The following BPI variants were observed in gnomAD, a reference collection of about 807,000 sequenced individuals.
BPI encodes bactericidal permeability-increasing protein.
A neutral mutation model predicts 57.6 loss-of-function variants in BPI; 48 were observed. The ratio of observed to expected loss-of-function variants is 0.83; its 90% CI spans 0.66 to 1.06. The LOEUF is 1.06. Ranked by LOEUF, BPI falls within the 50% of genes least tolerant of loss-of-function variation. The probability of loss-of-function intolerance (pLI) is 0.00; values close to 1 mark genes in which losing one functional copy is unlikely to be tolerated. For missense variants in BPI, 651 were observed against 609.7 expected, an observed-to-expected ratio of 1.07 and a Z score of -0.71; for synonymous variants, 237 against 238.2, an observed-to-expected ratio of 0.99 and a Z score of 0.05.
chr20:38,336,213 C>A (rs2076766766), intron 14 of BPI, among the ~76,000 whole-genome samples: 1 of 151,928 alleles, frequency 6.6e-6, no homozygotes, highest in Admixed American at 6.6e-5. Flanking sequence ...CTACCTGCCA[C>A]CTCCTCTGCT....
Position 38,316,113 on chromosome 20 carries a change from C to T in BPI, c.601-2300C>T, listed in dbSNP as rs1418441832. 3.3e-5 allele frequency among the ~76,000 whole-genome samples: 5 copies of T among 149,474 alleles called. 1 individual carries two copies. Among genetic ancestry groups the T allele is most frequent in the Non-Finnish European group, 7.4e-5 (5 of 67,994 alleles). The stretch of plus-strand genomic sequence containing the variant: ...CCTCTCAAAGTACTGGGATTACAGG[C>T]GTGAGCCACCACACCCAGCTCTTCC... On this transcript the variant is annotated intron_variant, in intron 5 of 14. Transcript: ENST00000642449.
intron 12 of BPI, among the ~76,000 whole-genome samples, chr20:38,331,974 C>T (rs2076745063): frequency 6.6e-6 from 1 of 152,048 alleles, no homozygotes; most frequent in Admixed American, 6.6e-5. Flanking sequence ...AGGGCCTCTC[C>T]GAGGAGGTGA....
chr20:38,307,764 A>G (rs113421902), intron 2 of BPI, 83 bp downstream of exon 2: 20 of 1,098,206 alleles, frequency 1.8e-5, no homozygotes, highest in African/African-American at 4.9e-5. Context: ...CAGAGCCACA[A>G]ACTCCTCAAC....
chr20:38,328,364 C>T (rs1164356457), intron 11 of BPI, among the ~76,000 whole-genome samples: 1 of 151,830 alleles, frequency 6.6e-6, no homozygotes, highest in Admixed American at 6.6e-5. Context: ...ACCAGTCTGG[C>T]CAACATGGTG....
intron 7 of BPI, 130 bp downstream of exon 7, chr20:38,320,404 C>A: frequency 2.6e-6 from 2 of 768,134 alleles, no homozygotes; most frequent in South Asian, 3.6e-5. Context: ...CCTCTCTACT[C>A]TCCCCGCCTC....
intron 14 of BPI, among the ~76,000 whole-genome samples, chr20:38,335,946 T>C (rs2076765597): frequency 6.6e-6 from 1 of 152,168 alleles, no homozygotes; most frequent in African/African-American, 2.4e-5. Flanking sequence ...ATGAAATGCA[T>C]TTGTGGGCCA....
chr20:38,323,984 A>C lies in BPI; in HGVS notation c.871A>C (p.Asn291His). The C allele has an allele frequency of 6.2e-7, 1 of 1,614,148 alleles. No homozygotes were observed. The highest frequency in any genetic ancestry group is 1.1e-5 in the South Asian group (1 of 91,072). Residue 291 changes from asparagine (N) to histidine (H), a missense_variant, in exon 8 of 15, where the codon AAC becomes CAC. Physicochemically the swap from Asn to His is moderately conservative, Grantham distance 68. Transcript: ENST00000642449. ...VYLGLSDYFF[N>H]TAGLVYQEAG... ...CCTGGGCCTCTCAGACTACTTCTTC[A>C]ACACAGCCGGGCTTGTATACCAAGA...
chr20:38,333,211 G>T (rs954295238), intron 12 of BPI, among the ~76,000 whole-genome samples: 1 of 152,014 alleles, frequency 6.6e-6, no homozygotes, highest in African/African-American at 2.4e-5. Flanking sequence ...TTGGTGGCTT[G>T]ACTAAGTCCA....
chr20:38,326,518 T>A, intron 10 of BPI, 86 bp downstream of exon 10: 1 of 1,410,414 alleles, frequency 7.1e-7, no homozygotes, highest in South Asian at 1.4e-5. Flanking sequence ...ATGTGAATCC[T>A]GTCTGGATTC....
chr20:38,316,427 T>TGTGGTG (rs1310643117), intron 5 of BPI, among the ~76,000 whole-genome samples: 13 of 152,178 alleles, frequency 8.5e-5, no homozygotes. Flanking sequence ...GGCAGCTGGG[T>TGTGGTG]CCCCAGGCTG....
At chr20:38,317,872 G>A (rs2076659840) in intron 5 of BPI, 3 of 1,468,862 alleles carry the variant, frequency 2.0e-6, no homozygotes, top group South Asian at 2.8e-5. Context: ...TGTGAGTCAT[G>A]GGCTAGGGGA....
intron 6 of BPI, among the ~76,000 whole-genome samples, chr20:38,318,718 A>T (rs2076665984): frequency 6.6e-6 from 1 of 152,178 alleles, no homozygotes; most frequent in Non-Finnish European, 1.5e-5. Context: ...GCAAGGGCCA[A>T]ACAACAAAAT....
At chr20:38,318,720 C>A (rs551196889) in intron 6 of BPI, among the ~76,000 whole-genome samples, 1 of 152,272 alleles carries the variant, frequency 6.6e-6, no homozygotes, top group South Asian at 2.1e-4. Context: ...AAGGGCCAAA[C>A]AACAAAATAC....
intron 6 of BPI, 58 bp downstream of exon 6, chr20:38,318,534 C>G (rs980354563): frequency 6.4e-7 from 1 of 1,572,678 alleles, no homozygotes; most frequent in Admixed American, 1.7e-5. Context: ...GGGGTGAGGA[C>G]GTCAGGGTGG....
intron 9 of BPI, 115 bp downstream of exon 9, chr20:38,324,948 C>T: frequency 1.2e-6 from 1 of 862,200 alleles, no homozygotes; most frequent in Admixed American, 2.0e-5. Flanking sequence ...GATCCAGAAA[C>T]AACCCAGCAT....
chr20:38,304,237 C>G lies in BPI; in HGVS notation c.14C>G (p.Pro5Arg). The change falls in exon 1 of 15, where the codon CCT (proline) becomes CGT (arginine). Residue 5 changes from proline (P) to arginine (R), a missense_variant. By Grantham distance (103) the Pro-to-Arg change is moderately radical (BLOSUM62 -2). Coordinates refer to ENST00000642449, the MANE Select transcript of BPI (RefSeq NM_001725.3). MARG[P>R]CNAPRWASLM... is the part of the protein sequence containing the mutation. ...ATGAGAGAGAACATGGCCAGGGGCC[C>G]TTGCAACGCGCCGAGATGGGCGTCC... is the stretch of plus-strand genomic sequence containing the variant. 1 of 1,614,178 alleles carries G rather than the reference C, an allele frequency of 6.2e-7. No homozygotes were observed. The highest frequency in any genetic ancestry group is 8.5e-7 in the Non-Finnish European group (1 of 1,180,028).
chr20:38,334,301 T>C, intron 12 of BPI, 129 bp from the exon 13 acceptor site: 1 of 866,354 alleles, frequency 1.2e-6, no homozygotes, highest in Non-Finnish European at 1.9e-6. Flanking sequence ...TCAGCAGTTT[T>C]CCCAACTGCG....
At chr20:38,317,810 A>C in intron 5 of BPI, 1 of 1,505,554 alleles carries the variant, frequency 6.6e-7, no homozygotes, top group Non-Finnish European at 9.0e-7. Context: ...CCTCAGTGTC[A>C]AAGTCAGTGT....
Position 38,337,154 on chromosome 20 carries a change from G to C in BPI, c.1422G>C (p.Leu474=), listed in dbSNP as rs754991503. ...NVVLQPHQNF[L]LFGADVVYK is the part of the protein sequence containing the mutation. ...TTCTCATCTCTCCCTAGAACTTCCT[G>C]CTGTTCGGTGCAGACGTTGTCTATA... The change falls in exon 15 of 15, where the codon CTG becomes CTC. Residue 474 remains leucine, a synonymous_variant. Transcript: ENST00000642449. 1 of 1,601,400 alleles carries C rather than the reference G, an allele frequency of 6.2e-7. No homozygotes were observed. Among genetic ancestry groups the C allele is most frequent in the African/African-American group, 1.4e-5 (1 of 73,994 alleles).
Sources: allele counts gnomAD v4.1 joint callset (sites outside exome capture counted in the v4.1 genomes callset), GRCh38; gene constraint gnomAD v4.1.1; transcripts MANE v1.5; gene names NCBI Gene and HGNC (gene_info 2026-07-23, HGNC 2026-07-21).